AKT3: variants seen among roughly 807,000 people sequenced by gnomAD.
The protein encoded by AKT3 is AKT serine/threonine kinase 3, also known as RAC-gamma serine/threonine-protein kinase.
A neutral mutation model predicts 65.3 loss-of-function variants in AKT3; 15 were observed. The observed-to-expected ratio is 0.23, with a 90% CI of 0.15 to 0.35. The LOEUF (loss-of-function observed/expected upper bound fraction) is 0.35. Ranked by LOEUF, AKT3 falls within the 10% of genes least tolerant of loss-of-function variation. The probability of loss-of-function intolerance (pLI) is 1.00; values close to 1 mark genes in which losing one functional copy is unlikely to be tolerated. For missense variants in AKT3, 243 were observed against 576.5 expected (o/e 0.42, Z 5.92); for synonymous variants, 206 against 183.8 (o/e 1.12, Z -0.98).
intron 3 of AKT3, among the ~76,000 whole-genome samples, chr1:243,681,634 T>C (rs1198139916): frequency 6.6e-6 from 1 of 152,190 alleles, no homozygotes; most frequent in Non-Finnish European, 1.5e-5. Flanking sequence ...ATACGTGGCA[T>C]AGCACGAAAG....
Position 243,501,242 on chromosome 1 carries a change from C to CAA in AKT3, c.*4006_*4007insTT, listed in dbSNP as rs1307488362. 4.7e-5 allele frequency: 11 copies of CAA among 232,928 alleles called. No individual in the cohort carries two copies. Among genetic ancestry groups the CAA allele is most frequent in the African/African-American group, 2.0e-4 (9 of 45,464 alleles). The allele number at this position is 232,928 out of a possible 1,614,324, so 14.4% of individuals were successfully genotyped here. On this transcript the variant is annotated 3_prime_UTR_variant, in exon 14 of 14. Coordinates refer to ENST00000673466, the MANE Select transcript of AKT3 (RefSeq NM_005465.7). ...CATCCAGAATGATTCAACGTGAAGT[C>CAA]AGACTGCAGTCCAGCCATCCTACCC...
intron 12 of AKT3, among the ~76,000 whole-genome samples, chr1:243,527,239 A>C (rs1021896114): frequency 1.3e-5 from 2 of 152,194 alleles, no homozygotes; most frequent in Admixed American, 1.3e-4. Context: ...TTACTTATGT[A>C]ATCAGTTGCC....
At chr1:243,758,005 C>A (rs1330570667) in intron 2 of AKT3, among the ~76,000 whole-genome samples, 1 of 152,166 alleles carries the variant, frequency 6.6e-6, no homozygotes, top group African/African-American at 2.4e-5. Context: ...TCAGGTGATC[C>A]ACCCGCCTCG....
intron 6 of AKT3, among the ~76,000 whole-genome samples, chr1:243,622,249 T>G (rs964534021): frequency 6.6e-6 from 1 of 152,210 alleles, no homozygotes; most frequent in African/African-American, 2.4e-5. Context: ...CTTCAAAATA[T>G]CTAAAGGACT....
At chr1:243,840,100 G>A (rs896611579) in intron 2 of AKT3, among the ~76,000 whole-genome samples, 1 of 152,150 alleles carries the variant, frequency 6.6e-6, no homozygotes, top group Non-Finnish European at 1.5e-5. Context: ...GAACACGGGA[G>A]GCGGAGGTTG....
chr1:243,580,778 C>A (rs1436180904), intron 8 of AKT3, among the ~76,000 whole-genome samples: 1 of 152,172 alleles, frequency 6.6e-6, no homozygotes, highest in East Asian at 1.9e-4. Context: ...TGCAGTAGGG[C>A]CCTTGCTGCT....
intron 2 of AKT3, among the ~76,000 whole-genome samples, chr1:243,817,056 A>T (rs573907495): frequency 6.6e-6 from 1 of 152,344 alleles, no homozygotes; most frequent in Admixed American, 6.5e-5. Context: ...AACATGCTCT[A>T]AAGTAATCCA....
chr1:243,715,789 G>T (rs1390293100), intron 2 of AKT3, among the ~76,000 whole-genome samples: 1 of 152,022 alleles, frequency 6.6e-6, no homozygotes, highest in Non-Finnish European at 1.5e-5. Context: ...TGAATAAAAA[G>T]CCATTCTTAG....
rs191907331 is a variant in AKT3 at position 243,711,403 on chromosome 1, C to T, written c.47-15687G>A. ...CCACTAATACCATACATCCGAAATA[C>T]TTTTATCCAACTGTTTTCTTTATAT... On this transcript the variant is annotated intron_variant, in intron 2 of 13. Coordinates refer to ENST00000673466, the MANE Select transcript of AKT3 (RefSeq NM_005465.7). 1.5e-3 allele frequency among the ~76,000 whole-genome samples: 222 copies of T among 152,220 alleles called. 2 individuals are homozygous for T. The East Asian group carries it at 0.02, about 14-fold the overall frequency.
intron 4 of AKT3, among the ~76,000 whole-genome samples, chr1:243,661,472 T>C (rs1356518769): frequency 6.6e-6 from 1 of 151,022 alleles, no homozygotes; most frequent in Non-Finnish European, 1.5e-5. Flanking sequence ...CCCTATTTAA[T>C]AAATGGTGCT....
At chr1:243,800,226 TACTTA>T (rs1486868905) in intron 2 of AKT3, among the ~76,000 whole-genome samples, 1 of 152,198 alleles carries the variant, frequency 6.6e-6, no homozygotes, top group African/African-American at 2.4e-5. Flanking sequence ...TTAGACAAGT[TACTTA>T]ACTTTTCTGT....
At chr1:243,495,527 C>T (rs1178412000), downstream of AKT3, among the ~76,000 whole-genome samples, 4 of 152,194 alleles carry the variant, frequency 2.6e-5, no homozygotes, top group Non-Finnish European at 1.5e-5. Flanking sequence ...TAACCGTGAG[C>T]CCCCGCCTGC....
rs577439811 is a variant in AKT3 at position 243,722,676 on chromosome 1, A to T, written c.47-26960T>A. 6.6e-5 allele frequency among the ~76,000 whole-genome samples: 10 copies of T among 152,258 alleles called. No individual in the cohort carries two copies. The East Asian group carries it at 9.6e-4, about 15-fold the overall frequency. Reference sequence around the variant, plus strand: ...CAATCCCCACTGAAAAAGATGGAAAATTTTTTCCTAAATGGAGAGAATCAC... The same window carrying T: ...CAATCCCCACTGAAAAAGATGGAAATTTTTTTCCTAAATGGAGAGAATCAC... On this transcript the variant is annotated intron_variant, in intron 2 of 13. Transcript: ENST00000673466.
chr1:243,613,076 TACACACAC>T (rs1196629265), intron 8 of AKT3: 1 of 89,546 alleles, frequency 1.1e-5, no homozygotes, highest in African/African-American at 3.3e-5. Flanking sequence ...TATATATATA[TACACACAC>T]ACACACACAC....
intron 11 of AKT3, 80 bp from the exon 12 acceptor site, chr1:243,545,677 GT>G (rs1672615111): frequency 1.9e-6 from 2 of 1,056,770 alleles, no homozygotes; most frequent in East Asian, 4.8e-5. Context: ...TTTTGTGAAA[GT>G]GTAATTTTCT....
chr1:243,559,029 T>G (rs1306398943), intron 10 of AKT3, among the ~76,000 whole-genome samples: 1 of 152,092 alleles, frequency 6.6e-6, no homozygotes, highest in Non-Finnish European at 1.5e-5. Context: ...TGGTTTGGAT[T>G]CAATAGGAGC....
chr1:243,808,224 AC>A (rs1294867180), intron 2 of AKT3: 1 of 152,184 alleles, frequency 6.6e-6, no homozygotes, highest in African/African-American at 2.4e-5. Context: ...AGACAATCAA[AC>A]TTCTCAGAGC....
chr1:243,651,804 T>C (rs1452189496), intron 4 of AKT3, among the ~76,000 whole-genome samples: 1 of 151,972 alleles, frequency 6.6e-6, no homozygotes, highest in African/African-American at 2.4e-5. Context: ...GCCAGTATTT[T>C]ACTGAGGATT....
intron 11 of AKT3, 99 bp downstream of exon 11, chr1:243,552,630 T>A (rs945356866): frequency 9.2e-7 from 1 of 1,085,614 alleles, no homozygotes; most frequent in Admixed American, 2.0e-5. Context: ...CTACACCAAA[T>A]ACATTGCTTC....
Sources: gnomAD v4.1 joint callset for allele counts (sites outside exome capture counted in the v4.1 genomes callset) on GRCh38, gnomAD v4.1.1 for gene constraint, MANE v1.5 for transcripts, NCBI Gene and HGNC (gene_info 2026-07-23, HGNC 2026-07-21) for gene names.